The following COL5A2 variants were observed in gnomAD, a reference collection of about 807,000 sequenced individuals.
COL5A2 encodes the protein collagen type V alpha 2 chain, also known as collagen alpha-2(V) chain.
A neutral mutation model predicts 208.2 loss-of-function variants in COL5A2; 23 were observed. The ratio of observed to expected loss-of-function variants is 0.11; its 90% CI spans 0.08 to 0.16. The LOEUF (loss-of-function observed/expected upper bound fraction) is 0.16. Ranked by LOEUF, COL5A2 falls within the 10% of genes least tolerant of loss-of-function variation. The probability of loss-of-function intolerance (pLI) is 1.00; values close to 1 mark genes in which losing one functional copy is unlikely to be tolerated. For missense variants in COL5A2, 1,590 were observed against 1,956.4 expected (o/e 0.81, Z 3.53); for synonymous variants, 625 against 628.5 (o/e 0.99, Z 0.08).
At chr2:189,252,651 T>C in the COL5A2 span, among the ~76,000 whole-genome samples, 3 of 152,028 alleles carry the variant, frequency 2.0e-5, no homozygotes, top group Non-Finnish European at 2.9e-5. Context: ...TTAGGAGATA[T>C]ACCTAAAGTA....
rs749087232 is a variant in COL5A2, at chr2:189,053,489, C to A, written c.2500-12G>T. 6.2e-6 allele frequency: 10 copies of A among 1,611,500 alleles called. No individual in the cohort carries two copies. In the Admixed American group the frequency reaches 1.7e-4, roughly 27 times the overall value. On this transcript the variant is annotated splice_polypyrimidine_tract_variant and intron_variant, in intron 37 of 53. Coordinates refer to ENST00000374866, the MANE Select transcript of COL5A2 (RefSeq NM_000393.5). ...TCACCTCGAGAACCCTAGGAGGAGA[C>A]AAAGATTACTGTAGCTTTCACACAT...
the COL5A2 span, among the ~76,000 whole-genome samples, chr2:189,315,295 C>G: frequency 6.6e-6 from 1 of 152,148 alleles, no homozygotes; most frequent in Non-Finnish European, 1.5e-5. Flanking sequence ...CAAGTCAATA[C>G]ATGTGATTCA....
the COL5A2 span, among the ~76,000 whole-genome samples, chr2:189,396,489 T>C: frequency 6.7e-6 from 1 of 150,322 alleles, no homozygotes; most frequent in Non-Finnish European, 1.5e-5. Flanking sequence ...CTGGCTAACA[T>C]GGTGAAACCC....
At chr2:189,041,833 C>T (rs1685568335) in intron 49 of COL5A2, 140 bp from the exon 50 acceptor site, 1 of 628,472 alleles carries the variant, frequency 1.6e-6, no homozygotes, top group Non-Finnish European at 2.8e-6. Context: ...AATAAATGAA[C>T]TTCTGGTACT....
chr2:189,056,726 C>T (rs551744347), intron 35 of COL5A2: 3 of 554,332 alleles, frequency 5.4e-6, no homozygotes, highest in Non-Finnish European at 9.7e-6. Context: ...TAAAGAGGGC[C>T]CCCATCCCCT....
chr2:189,414,753 C>CAAA, the COL5A2 span, among the ~76,000 whole-genome samples: 66 of 70,224 alleles, frequency 9.4e-4, no homozygotes, highest in Non-Finnish European at 1.1e-3. Flanking sequence ...GACTCTGTCT[C>CAAA]AAAAAAAAAA....
chr2:189,075,427 C>T lies in COL5A2; in HGVS notation c.1070G>A (p.Gly357Asp). 1 of 1,605,848 alleles carries T rather than the reference C, an allele frequency of 6.2e-7. No homozygotes were observed. The highest frequency in any genetic ancestry group is 8.5e-7 in the Non-Finnish European group (1 of 1,173,016). ...LGPQGAPGQR[G>D]AHGMPGKPGP... Reference sequence around the variant, plus strand: ...AGGTTTTCCAGGCATACCATGTGCACCTCGTTGTCCCTAATTAAGAGAAAA... The same window carrying T: ...AGGTTTTCCAGGCATACCATGTGCATCTCGTTGTCCCTAATTAAGAGAAAA... Residue 357 changes from glycine to aspartate, a missense_variant, in exon 17 of 54, where the codon GGT becomes GAT. Coordinates refer to ENST00000374866, the MANE Select transcript of COL5A2 (RefSeq NM_000393.5).
At chr2:189,200,480 G>T (rs1445515615) in intron 1 of COL5A2, among the ~76,000 whole-genome samples, 1 of 147,628 alleles carries the variant, frequency 6.8e-6, no homozygotes, top group Non-Finnish European at 1.5e-5. Context: ...TTATAGGGTA[G>T]CTAAGTAAGC....
the COL5A2 span, among the ~76,000 whole-genome samples, chr2:189,337,738 C>G: frequency 1.3e-5 from 2 of 151,062 alleles, no homozygotes; most frequent in Non-Finnish European, 1.5e-5. Flanking sequence ...TCATGCAGAA[C>G]AGCTGAGAAG....
chr2:189,197,124 T>C (rs1424210604), intron 1 of COL5A2, among the ~76,000 whole-genome samples: 1 of 152,192 alleles, frequency 6.6e-6, no homozygotes, highest in African/African-American at 2.4e-5. Flanking sequence ...AATGAGATCA[T>C]GTCCTTTGCA....
chr2:189,381,141 G>A, the COL5A2 span, among the ~76,000 whole-genome samples: 1 of 152,002 alleles, frequency 6.6e-6, no homozygotes, highest in African/African-American at 2.4e-5. Context: ...GTGGATGAAG[G>A]AAGAGTACTC....
the COL5A2 span, among the ~76,000 whole-genome samples, chr2:189,281,545 C>T: frequency 6.6e-6 from 1 of 152,134 alleles, no homozygotes; most frequent in African/African-American, 2.4e-5. Flanking sequence ...TGGCAGTTGT[C>T]ACCAACTCAT....
intron 1 of COL5A2, among the ~76,000 whole-genome samples, chr2:189,149,083 T>G (rs1236828624): frequency 6.6e-6 from 1 of 152,130 alleles, no homozygotes; most frequent in East Asian, 1.9e-4. Flanking sequence ...GAGGTTGCAG[T>G]GAGCCGAGAT....
At chr2:189,356,258 G>A in the COL5A2 span, among the ~76,000 whole-genome samples, 28 of 152,126 alleles carry the variant, frequency 1.8e-4, no homozygotes, top group Non-Finnish European at 2.9e-4. Context: ...TCTTGGGGTT[G>A]CTCTTCTTGA....
At chr2:189,395,843 T>G in the COL5A2 span, among the ~76,000 whole-genome samples, 1 of 122,476 alleles carries the variant, frequency 8.2e-6, no homozygotes, top group Non-Finnish European at 1.6e-5. Flanking sequence ...ACCCAGGAAG[T>G]GGAGGTTGCA....
chr2:189,364,434 C>G, the COL5A2 span, among the ~76,000 whole-genome samples: 1 of 152,156 alleles, frequency 6.6e-6, no homozygotes, highest in African/African-American at 2.4e-5. Flanking sequence ...CGCCTCTAAT[C>G]CCAGCACTTT....
At chr2:189,175,590 C>A (rs1233924833) in intron 1 of COL5A2, among the ~76,000 whole-genome samples, 5 of 145,698 alleles carry the variant, frequency 3.4e-5, no homozygotes, top group African/African-American at 1.3e-4. Flanking sequence ...GTCACCCAGA[C>A]TGGAGTGCAG....
chr2:189,195,071 C>A (rs1688982652), intron 1 of COL5A2, among the ~76,000 whole-genome samples: 1 of 152,066 alleles, frequency 6.6e-6, no homozygotes. Context: ...TTAGAAAACC[C>A]CATTGTCTCA....
chr2:189,278,732 G>C, the COL5A2 span, among the ~76,000 whole-genome samples: 1 of 151,730 alleles, frequency 6.6e-6, no homozygotes, highest in African/African-American at 2.4e-5. Context: ...CTTAGATACT[G>C]ATACTTCTTT....
Sources: allele counts gnomAD v4.1 joint callset (sites outside exome capture counted in the v4.1 genomes callset), GRCh38; gene constraint gnomAD v4.1.1; transcripts MANE v1.5; gene names NCBI Gene and HGNC (gene_info 2026-07-23, HGNC 2026-07-21).